TMOD4: variants seen among roughly 807,000 people sequenced by gnomAD.
TMOD4 encodes the protein tropomodulin-4.
TMOD4 carries 34 observed loss-of-function variants against 45.4 expected under a neutral mutation model. That is an observed-to-expected ratio of 0.75 (90% CI 0.57 to 1.00). The LOEUF (loss-of-function observed/expected upper bound fraction) is 1.00, where lower values mean the gene tolerates loss of function less well. TMOD4 is among the 50% of genes least tolerant of loss of function. The pLI is 0.00. For missense variants in TMOD4, 399 were observed against 437.5 expected (o/e 0.91, Z 0.78); for synonymous variants, 131 against 153.9 (o/e 0.85, Z 1.10).
chr1:151,173,841 G>A (rs1684026988), intron 3 of TMOD4, among the ~76,000 whole-genome samples: 1 of 152,234 alleles, frequency 6.6e-6, no homozygotes, highest in South Asian at 2.1e-4. Flanking sequence ...CACTTGGGGA[G>A]GCCGAGGCGG....
chr1:151,171,345 G>T, intron 7 of TMOD4, 88 bp downstream of exon 7: 2 of 1,240,936 alleles, frequency 1.6e-6, no homozygotes, highest in Non-Finnish European at 2.3e-6. Flanking sequence ...GATGAGAATA[G>T]CACTCCCTAG....
Position 151,170,680 on chromosome 1 carries a change from C to A in TMOD4, c.871-17G>T. Reference sequence around the variant, plus strand: ...CCACTGGCGCTGGGGGAGGGAGAGGCAAAAGCTGACAGTCACCCTCTCTGG... The same window carrying A: ...CCACTGGCGCTGGGGGAGGGAGAGGAAAAAGCTGACAGTCACCCTCTCTGG... On this transcript the variant is annotated splice_polypyrimidine_tract_variant and intron_variant, in intron 8 of 9. Transcript: ENST00000295314. 6.2e-7 allele frequency: 1 copy of A among 1,613,494 alleles called. No homozygotes were observed. Among genetic ancestry groups the A allele is most frequent in the Non-Finnish European group, 8.5e-7 (1 of 1,179,734 alleles).
rs587692361 is a variant in TMOD4 at position 151,170,396 on chromosome 1, T to C, written c.1015+123A>G. ...TTCTGATCACTCTTGGGATTTGAAA[T>C]TCTCATATGAATAGCTCTTTGGTAG... On this transcript the variant is annotated intron_variant, in intron 9 of 9. Coordinates refer to ENST00000295314, the MANE Select transcript of TMOD4 (RefSeq NM_013353.3). The C allele has an allele frequency of 4.2e-6, 6 of 1,438,236 alleles. No homozygotes were observed. The South Asian group carries it at 7.9e-5, about 19-fold the overall frequency. 89.1% of individuals were successfully genotyped at this position (1,438,236 alleles called of 1,614,324 possible). A position where few individuals can be genotyped will look rare whatever the true frequency, so the allele number is the denominator to read the frequency against.
In TMOD4 at chr1:151,174,433, T is replaced by C. The variant is rs587719653; in HGVS notation, c.238A>G (p.Lys80Glu). 2 of 1,614,130 alleles carry C rather than the reference T, an allele frequency of 1.2e-6. No homozygotes were observed. Among genetic ancestry groups the C allele is most frequent in the East Asian group, 4.5e-5 (2 of 44,856 alleles). ...AAGGGCACCAAGTCATCACGCTCTT[T>C]GACTTCTAGTGCCTGTTGCTCCAAG... ...QYLEQQALEVKERDDLVPFTG... is the reference protein window; with the variant it reads ...QYLEQQALEVEERDDLVPFTG... The change falls in exon 3 of 10, where the codon AAA becomes GAA. Residue 80 changes from lysine to glutamate, a missense_variant. Transcript: ENST00000295314.
At chr1:151,171,916 A>C (rs1361499683) in intron 5 of TMOD4, among the ~76,000 whole-genome samples, 153 bp from the exon 6 acceptor site, 1 of 150,508 alleles carries the variant, frequency 6.6e-6, no homozygotes, top group Non-Finnish European at 1.5e-5. Context: ...AACTCACAGC[A>C]GCCTTGACCT....
At chr1:151,170,874 G>C in intron 8 of TMOD4, 46 bp downstream of exon 8, 1 of 1,601,080 alleles carries the variant, frequency 6.2e-7, no homozygotes, top group Non-Finnish European at 8.5e-7. Flanking sequence ...TCAGGGAGGA[G>C]ACTCAATGAG....
In TMOD4 at chr1:151,171,626, C is replaced by A; in HGVS notation, c.618+7G>T. 3 of 1,614,112 alleles carry A rather than the reference C, an allele frequency of 1.9e-6. No individual in the cohort carries two copies. The highest frequency in any genetic ancestry group is 2.5e-6 in the Non-Finnish European group (3 of 1,180,024). On this transcript the variant is annotated splice_region_variant and intron_variant, in intron 6 of 9. Coordinates refer to ENST00000295314, the MANE Select transcript of TMOD4 (RefSeq NM_013353.3). Reference sequence around the variant, plus strand: ...GTGTTATGGTTTGGAGGATGCAAGTCAAATACCTGTATATTATTCAAGTTC... The same window carrying A: ...GTGTTATGGTTTGGAGGATGCAAGTAAAATACCTGTATATTATTCAAGTTC...
intron 1 of TMOD4, chr1:151,175,554 C>A (rs1439550467): frequency 6.6e-6 from 1 of 152,188 alleles, no homozygotes; most frequent in African/African-American, 2.4e-5. Context: ...GGTAGTAAGG[C>A]CTCTGTGAGT....
intron 4 of TMOD4, 62 bp downstream of exon 4, chr1:151,173,437 T>G: frequency 7.8e-7 from 1 of 1,284,854 alleles, no homozygotes; most frequent in Middle Eastern, 2.0e-4. Flanking sequence ...ACTAGTCCCA[T>G]GTCATGGCTA....
intron 2 of TMOD4, 34 bp downstream of exon 2, chr1:151,174,719 G>A (rs376509390): frequency 6.2e-7 from 1 of 1,612,800 alleles, no homozygotes; most frequent in Middle Eastern, 1.9e-4. Flanking sequence ...AAATGCCTGG[G>A]ACTGCCTCTG....
At chr1:151,171,814 T>C in intron 5 of TMOD4, 51 bp from the exon 6 acceptor site, 4 of 1,554,962 alleles carry the variant, frequency 2.6e-6, no homozygotes. Context: ...CATAATCTCC[T>C]CCCCATTGGT....
chr1:151,175,715 A>G (rs587640526), intron 1 of TMOD4: 7 of 152,386 alleles, frequency 4.6e-5, no homozygotes, highest in Admixed American at 1.3e-4. Flanking sequence ...CATACACACC[A>G]TGCTGAATAT....
intron 4 of TMOD4, among the ~76,000 whole-genome samples, chr1:151,172,970 C>A (rs1340732394): frequency 6.6e-6 from 1 of 152,114 alleles, no homozygotes; most frequent in African/African-American, 2.4e-5. Context: ...TACAGGCGCC[C>A]ACCACCACAC....
chr1:151,174,623 C>T (rs2101716313), intron 2 of TMOD4, 76 bp from the exon 3 acceptor site: 1 of 1,596,164 alleles, frequency 6.3e-7, no homozygotes, highest in East Asian at 2.2e-5. Context: ...TAAAACATCA[C>T]CGGACACCTT....
chr1:151,175,257 C>T (rs2101717144), intron 1 of TMOD4: 1 of 205,670 alleles, frequency 4.9e-6, no homozygotes, highest in East Asian at 1.4e-4. Flanking sequence ...GCCCTGCCAA[C>T]ACAGCTGGTC....
chr1:151,175,200 C>A, intron 1 of TMOD4: 1 of 304,846 alleles, frequency 3.3e-6, no homozygotes. Context: ...CACCCCTCCC[C>A]TATAACCTCA....
intron 7 of TMOD4, 131 bp from the exon 8 acceptor site, chr1:151,171,194 G>A: frequency 9.2e-7 from 1 of 1,089,882 alleles, no homozygotes; most frequent in South Asian, 1.5e-5. Context: ...GGAGCTAGAG[G>A]GATACAGAAA....
chr1:151,170,376 A>T, intron 9 of TMOD4, 143 bp downstream of exon 9: 2 of 1,315,324 alleles, frequency 1.5e-6, no homozygotes, highest in Non-Finnish European at 2.1e-6. Flanking sequence ...TTACTTTCTG[A>T]TCACTCTTGG....
Position 151,171,679 on chromosome 1 carries a change from C to T in TMOD4, c.572G>A (p.Arg191Gln), listed in dbSNP as rs746686213. Reference sequence around the variant, plus strand: ...CTCCTCCAGCTCCTTGTCATTGCTTCGGACCCTCTTTAGTATCTCCTCAAT... The same window carrying T: ...CTCCTCCAGCTCCTTGTCATTGCTTTGGACCCTCTTTAGTATCTCCTCAAT... ...TNIEEILKRV[R>Q]SNDKELEEVN... Residue 191 changes from arginine to glutamine, a missense_variant, in exon 6 of 10, where the codon CGA becomes CAA. Transcript: ENST00000295314. 7 of 1,613,948 alleles carry T rather than the reference C, an allele frequency of 4.3e-6. No homozygotes were observed. In the African/African-American group the frequency reaches 5.3e-5, roughly 12 times the overall value.
Sources: gnomAD v4.1 joint callset for allele counts (sites outside exome capture counted in the v4.1 genomes callset) on GRCh38, gnomAD v4.1.1 for gene constraint, MANE v1.5 for transcripts, NCBI Gene and HGNC (gene_info 2026-07-23, HGNC 2026-07-21) for gene names.